Variants in TFDP2 observed in about 807,000 individuals in gnomAD.
TFDP2 encodes the protein transcription factor Dp-2 (E2F dimerization partner 2).
In TFDP2, 17 loss-of-function variants were observed where a neutral mutation model predicts 59.3. That is an observed-to-expected ratio of 0.29 (90% CI 0.20 to 0.43). TFDP2 has a LOEUF of 0.43. Among genes scored for constraint, TFDP2 ranks in the 20% least tolerant of loss-of-function variants. The pLI is 1.00. For missense variants in TFDP2, 391 were observed against 528.8 expected (o/e 0.74, Z 2.56); for synonymous variants, 180 against 194.7 (o/e 0.92, Z 0.63).
Position 141,970,033 on chromosome 3 carries a change from A to G in TFDP2, c.732+40T>C, listed in dbSNP as rs535096150. 3 of 1,581,444 alleles carry G rather than the reference A, an allele frequency of 1.9e-6. No individual in the cohort carries two copies. The African/African-American group carries it at 4.0e-5, about 21-fold the overall frequency. ...ACTGACTCCAAAAGGCAGCAAGTGG[A>G]GAAACAGGGAAGGTAATGAAAACAT... On this transcript the variant is annotated intron_variant, in intron 9 of 12. Transcript: ENST00000489671.
chr3:142,055,607 G>T (rs752502416), intron 3 of TFDP2, among the ~76,000 whole-genome samples: 6 of 152,190 alleles, frequency 3.9e-5, no homozygotes, highest in Non-Finnish European at 8.8e-5. Flanking sequence ...AGACCTATTT[G>T]ATTCCATGTC....
intron 7 of TFDP2, among the ~76,000 whole-genome samples, chr3:141,977,109 T>A (rs867567798): frequency 0.14 from 13,646 of 97,380 alleles, 949 homozygotes; most frequent in African/African-American, 0.19. Context: ...TATATATATT[T>A]TTTTTTTTTT....
rs1935472955 is a variant in TFDP2 at position 141,948,275 on chromosome 3, C to T, written c.*4238G>A. ...AGCTAAATAGAGCCGGGTGCGGTGG[C>T]TCACACCTGTAATCCCAGCACTTCG... On this transcript the variant is annotated 3_prime_UTR_variant, in exon 13 of 13. Coordinates refer to ENST00000489671, the MANE Select transcript of TFDP2 (RefSeq NM_001178139.2). The T allele has an allele frequency of 6.6e-6, 1 of 152,224 alleles. No individual in the cohort carries two copies. Among genetic ancestry groups the T allele is most frequent in the Admixed American group, 6.5e-5 (1 of 15,280 alleles). 9.4% of individuals were successfully genotyped at this position (152,224 alleles called of 1,614,324 possible).
chr3:142,073,455 C>A lies in TFDP2; in HGVS notation c.82+19606G>T, dbSNP rs1369761306. ...TGTTAAATGCTTAAAAACAAACAAA[C>A]AACCCCCCCCCCCCCGCAAAAAAAA... On this transcript the variant is annotated intron_variant, in intron 3 of 12. Coordinates refer to ENST00000489671, the MANE Select transcript of TFDP2 (RefSeq NM_001178139.2). Among the ~76,000 whole-genome samples the A allele has an allele frequency of 1.7e-4, 8 of 48,208 alleles. No homozygotes were observed. In the Admixed American group the frequency reaches 2.0e-3, roughly 12 times the overall value. The allele number at this position is 48,208 out of a possible 152,430, so 31.6% of individuals were successfully genotyped here.
chr3:141,977,143 G>A (rs1576544283), intron 7 of TFDP2, among the ~76,000 whole-genome samples: 2 of 103,674 alleles, frequency 1.9e-5, no homozygotes, highest in South Asian at 2.8e-4. Flanking sequence ...CCAAAGAGAC[G>A]AAGTCTTGCT....
At chr3:141,973,125 T>TATATATATATATATATA (rs1559951924) in intron 8 of TFDP2, among the ~76,000 whole-genome samples, 3 of 69,962 alleles carry the variant, frequency 4.3e-5, no homozygotes, top group African/African-American at 1.8e-4. Flanking sequence ...ATATATATAT[T>TATATATATATATATATA]TTTTTTTTTT....
At chr3:142,028,485 T>A (rs542461378) in intron 3 of TFDP2, 1 of 862,780 alleles carries the variant, frequency 1.2e-6, no homozygotes, top group Admixed American at 7.1e-5. Context: ...TGCTCCTGGC[T>A]ATTTATCAAT....
intron 1 of TFDP2, among the ~76,000 whole-genome samples, chr3:142,138,630 A>C (rs1234722831): frequency 6.6e-6 from 1 of 152,230 alleles, no homozygotes; most frequent in Non-Finnish European, 1.5e-5. Context: ...TTATGTACCC[A>C]GTAGTCATTC....
intron 3 of TFDP2, among the ~76,000 whole-genome samples, chr3:142,070,875 T>C (rs2060223508): frequency 6.6e-6 from 1 of 152,208 alleles, no homozygotes; most frequent in Non-Finnish European, 1.5e-5. Context: ...ATTTAGGAGT[T>C]TTAAATATTT....
intron 3 of TFDP2, among the ~76,000 whole-genome samples, chr3:142,034,479 G>T (rs1208502964): frequency 6.6e-6 from 1 of 152,100 alleles, no homozygotes. Context: ...GCACTAGAGA[G>T]AGAAAAATAA....
intron 3 of TFDP2, among the ~76,000 whole-genome samples, chr3:142,054,311 T>C (rs551222935): frequency 6.6e-6 from 1 of 152,316 alleles, no homozygotes; most frequent in East Asian, 1.9e-4. Context: ...TATTCAGTAA[T>C]AGAAAAGAAC....
At chr3:142,092,934 G>A (rs2061046017) in intron 3 of TFDP2, 127 bp downstream of exon 3, 2 of 615,232 alleles carry the variant, frequency 3.3e-6, no homozygotes, top group Admixed American at 3.4e-5. Context: ...CAAGTTATGT[G>A]GCATGGAACA....
At chr3:141,987,607 C>T (rs1422776366) in intron 6 of TFDP2, among the ~76,000 whole-genome samples, 3 of 146,148 alleles carry the variant, frequency 2.1e-5, no homozygotes, top group South Asian at 2.2e-4. Flanking sequence ...TGTGTGTATG[C>T]GTGCGTGCAT....
chr3:141,995,798 G>A (rs936089969), intron 4 of TFDP2, among the ~76,000 whole-genome samples: 3 of 147,872 alleles, frequency 2.0e-5, no homozygotes, highest in African/African-American at 5.0e-5. Context: ...CAGGAGAATC[G>A]CTTGAACCTG....
At chr3:142,111,900 T>C (rs1268923789) in intron 1 of TFDP2, among the ~76,000 whole-genome samples, 3 of 152,082 alleles carry the variant, frequency 2.0e-5, no homozygotes, top group Non-Finnish European at 4.4e-5. Context: ...ACCCCATCTC[T>C]ACTAAAAATA....
At chr3:141,968,323 CATATAATAT>C (rs1239239090) in intron 9 of TFDP2, among the ~76,000 whole-genome samples, 1 of 118,428 alleles carries the variant, frequency 8.4e-6, no homozygotes, top group Non-Finnish European at 1.7e-5. Flanking sequence ...CTATATATAA[CATATAATAT>C]ATATAATATA....
intron 3 of TFDP2, among the ~76,000 whole-genome samples, chr3:142,035,902 T>C (rs1326715975): frequency 6.6e-6 from 1 of 152,238 alleles, no homozygotes; most frequent in Non-Finnish European, 1.5e-5. Flanking sequence ...TTTTGTAAAT[T>C]GCCATGTCTC....
intron 8 of TFDP2, among the ~76,000 whole-genome samples, chr3:141,971,345 T>A (rs1286173584): frequency 7.6e-6 from 1 of 132,168 alleles, no homozygotes; most frequent in African/African-American, 3.1e-5. Flanking sequence ...GAGACCAGCC[T>A]GGCCAATAAG....
chr3:141,968,283 A>ATAATAT (rs1460476036), intron 9 of TFDP2, among the ~76,000 whole-genome samples: 1 of 133,372 alleles, frequency 7.5e-6, no homozygotes, highest in Non-Finnish European at 1.5e-5. Flanking sequence ...TATAATATAT[A>ATAATAT]ACAATATATA....
Sources: gnomAD v4.1 joint callset for allele counts (sites outside exome capture counted in the v4.1 genomes callset) on GRCh38, gnomAD v4.1.1 for gene constraint, MANE v1.5 for transcripts, NCBI Gene and HGNC (gene_info 2026-07-23, HGNC 2026-07-21) for gene names.